Variants in ISLR2 observed in about 807,000 individuals in gnomAD.
The protein encoded by ISLR2 is immunoglobulin superfamily containing leucine rich repeat 2, also known as immunoglobulin superfamily containing leucine-rich repeat protein 2.
ISLR2 carries 16 observed loss-of-function variants against 25.5 expected under a neutral mutation model. The ratio of observed to expected loss-of-function variants is 0.63; its 90% CI spans 0.43 to 0.95. The LOEUF (loss-of-function observed/expected upper bound fraction) is 0.95, where lower values mean the gene tolerates loss of function less well. Among genes scored for constraint, ISLR2 ranks in the 40% least tolerant of loss-of-function variants. The pLI is 0.00. For synonymous variants in ISLR2, 508 were observed against 486.6 expected (o/e 1.04, Z -0.58); for missense variants, 883 against 1,030.7 (o/e 0.86, Z 1.96).
chr15:74,138,932 A>G (rs1379845472), downstream of ISLR2, among the ~76,000 whole-genome samples: 1 of 152,106 alleles, frequency 6.6e-6, no homozygotes, highest in Non-Finnish European at 1.5e-5. Flanking sequence ...TGGCTGGGCC[A>G]GTGAGTGCTC....
chr15:74,134,252 GTGCAGCTGACTCCGCTGGC>G lies in ISLR2; in HGVS notation c.1502_1520del (p.Gln501ArgfsTer40). 2 of 1,576,814 alleles carry G rather than the reference GTGCAGCTGACTCCGCTGGC, an allele frequency of 1.3e-6. No individual in the cohort carries two copies. The highest frequency in any genetic ancestry group is 1.7e-6 in the Non-Finnish European group (2 of 1,161,418). Reference sequence around the variant, plus strand: ...GGATGTGGCGGAGCGCGAGGCGCGGGTGCAGCTGACTCCGCTGGCTGCGCGCTGGGGCCCTGGGCCCGGC... The same window carrying G: ...GGATGTGGCGGAGCGCGAGGCGCGGGTGCGCGCTGGGGCCCTGGGCCCGGC... On this transcript the variant is annotated frameshift_variant, in exon 3 of 3. Coordinates refer to ENST00000453268, the MANE Select transcript of ISLR2 (RefSeq NM_020851.3). LOFTEE classifies it high-confidence loss of function.
rs754766833 is a variant in ISLR2 at position 74,134,941 on chromosome 15, G to A, written c.2187G>A (p.Ala729=). The A allele has an allele frequency of 1.2e-6, 2 of 1,613,974 alleles. No homozygotes were observed. The highest frequency in any genetic ancestry group is 1.1e-5 in the South Asian group (1 of 91,078). The part of the protein sequence containing the change: ...YSDRLPLGAE[A]VNIAQEINGN... ...ATCGGCTGCCCCTGGGCGCCGAGGCGGTCAACATCGCCCAGGAGATTAATG... is the reference window on the plus strand; with the variant it reads ...ATCGGCTGCCCCTGGGCGCCGAGGCAGTCAACATCGCCCAGGAGATTAATG... Residue 729 remains alanine, a synonymous_variant, in exon 3 of 3, where the codon GCG becomes GCA. Transcript: ENST00000453268.
intron 2 of ISLR2, among the ~76,000 whole-genome samples, chr15:74,111,746 T>C (rs1384764843): frequency 6.6e-6 from 1 of 152,184 alleles, no homozygotes; most frequent in Admixed American, 6.5e-5. Flanking sequence ...AATTTTTCCA[T>C]TTTATAATGT....
At position 74,133,256 on chromosome 15, in the gene ISLR2, G is replaced by C. The variant is rs368024378; in HGVS notation, c.502G>C (p.Asp168His). The C allele has an allele frequency of 1.6e-5, 26 of 1,611,624 alleles. No individual in the cohort carries two copies. The highest frequency in any genetic ancestry group is 2.0e-5 in the Non-Finnish European group (24 of 1,180,004). ...RLRTLAPGTF[D>H]ALSALSHLQL... Reference sequence around the variant, plus strand: ...GCGTACGCTGGCGCCTGGCACCTTCGACGCGCTTAGCGCGCTGTCACACTT... The same window carrying C: ...GCGTACGCTGGCGCCTGGCACCTTCCACGCGCTTAGCGCGCTGTCACACTT... Residue 168 changes from aspartate to histidine, a missense_variant, in exon 3 of 3, where the codon GAC becomes CAC. Coordinates refer to ENST00000453268, the MANE Select transcript of ISLR2 (RefSeq NM_020851.3).
At chr15:74,117,128 C>T (rs1477254311) in intron 2 of ISLR2, among the ~76,000 whole-genome samples, 4 of 152,136 alleles carry the variant, frequency 2.6e-5, no homozygotes, top group Non-Finnish European at 4.4e-5. Context: ...ATGAATGACC[C>T]TCAAACAGTC....
At position 74,133,103 on chromosome 15, in the gene ISLR2, A is replaced by G. The variant is rs2072465307; in HGVS notation, c.349A>G (p.Ser117Gly). The G allele has an allele frequency of 6.2e-7, 1 of 1,612,646 alleles. No individual in the cohort carries two copies. Among genetic ancestry groups the G allele is most frequent in the African/African-American group, 1.3e-5 (1 of 74,944 alleles). Residue 117 changes from serine to glycine, a missense_variant, in exon 3 of 3, where the codon AGC becomes GGC. Physicochemically the swap from Ser to Gly is moderately conservative, Grantham distance 56. Transcript: ENST00000453268. ...SHNFISSFPW[S>G]DLRNLSALQL... ...CAACTTCATATCCAGCTTTCCGTGG[A>G]GCGACCTGCGCAACCTGAGCGCGCT...
upstream of ISLR2, chr15:74,129,200 G>T (rs1282233448): frequency 2.6e-6 from 1 of 377,594 alleles, no homozygotes; most frequent in Non-Finnish European, 5.3e-6. This position sits in a 1 kb window ranked among gnomAD's most constrained non-coding sequence, Gnocchi z 4.5. Context: ...CGCCCGTAGC[G>T]ACGGCAGGAG....
At chr15:74,123,290 A>G (rs982755751), upstream of ISLR2, among the ~76,000 whole-genome samples, 1 of 151,980 alleles carries the variant, frequency 6.6e-6, no homozygotes, top group African/African-American at 2.4e-5. Flanking sequence ...GCCAAGGGCC[A>G]TGAGGAAGAG....
At position 74,110,185 on chromosome 15, in the gene ISLR2, T is replaced by A. The variant is rs566860060; in HGVS notation, n.228+6271T>A. Reference sequence around the variant, plus strand: ...CACGTAAGATATCACTACAGATCTATTAGAACAGCTCAAATCAAACATAGT... The same window carrying A: ...CACGTAAGATATCACTACAGATCTAATAGAACAGCTCAAATCAAACATAGT... On this transcript the variant is annotated intron_variant and non_coding_transcript_variant, in intron 2 of 3. Transcript: ENST00000561975. 6.0e-4 allele frequency among the ~76,000 whole-genome samples: 92 copies of A among 152,322 alleles called. 1 individual carries two copies. The highest frequency in any genetic ancestry group is 2.1e-3 in the African/African-American group (86 of 41,558).
intron 2 of ISLR2, among the ~76,000 whole-genome samples, chr15:74,108,039 G>T (rs987773928): frequency 6.6e-6 from 1 of 152,196 alleles, no homozygotes; most frequent in African/African-American, 2.4e-5. Flanking sequence ...AAAGCCAGAG[G>T]TTGGAGCTGG....
chr15:74,104,583 G>T (rs891026191), intron 2 of ISLR2, among the ~76,000 whole-genome samples: 2 of 152,134 alleles, frequency 1.3e-5, no homozygotes, highest in African/African-American at 4.8e-5. Context: ...AGGAGTTCAA[G>T]ACCAGCCTGG....
Position 74,103,386 on chromosome 15 carries a change from C to T in ISLR2, n.160-460C>T, listed in dbSNP as rs1055036794. Reference sequence around the variant, plus strand: ...TGGAGGCTGAAGTGGCTGGATCACTCGAGGCCAGGAGTTTGACACCAGCCT... The same window carrying T: ...TGGAGGCTGAAGTGGCTGGATCACTTGAGGCCAGGAGTTTGACACCAGCCT... On this transcript the variant is annotated intron_variant and non_coding_transcript_variant, in intron 1 of 3. Transcript: ENST00000561975. 6.0e-5 allele frequency among the ~76,000 whole-genome samples: 9 copies of T among 150,332 alleles called. 1 individual carries two copies. The highest frequency in any genetic ancestry group is 1.9e-4 in the East Asian group (1 of 5,150).
chr15:74,101,998 T>C (rs1417831831), intron 1 of ISLR2, among the ~76,000 whole-genome samples: 1 of 146,108 alleles, frequency 6.8e-6, no homozygotes, highest in Non-Finnish European at 1.5e-5. Context: ...GCAGATCACC[T>C]GAGGTCAGGA....
At chr15:74,140,998 T>A (rs909820225), downstream of ISLR2, among the ~76,000 whole-genome samples, 3 of 152,222 alleles carry the variant, frequency 2.0e-5, no homozygotes, top group Non-Finnish European at 4.4e-5. Flanking sequence ...ATGGATTTTT[T>A]AAAAAGCCAT....
At chr15:74,113,113 TC>T (rs1402576238) in intron 2 of ISLR2, among the ~76,000 whole-genome samples, 3 of 152,250 alleles carry the variant, frequency 2.0e-5, no homozygotes, top group African/African-American at 7.2e-5. Context: ...AAACCTAGAT[TC>T]CTCACATGTG....
In ISLR2 at chr15:74,135,819, C is replaced by G. The variant is rs1337105921; in HGVS notation, c.*827C>G. The stretch of plus-strand genomic sequence containing the variant: ...CGCCCGGCCCCTCCTCCCTTTCAAT[C>G]CCTACTCCCAGAAGCCGGGATTCGT... On this transcript the variant is annotated 3_prime_UTR_variant, in exon 3 of 3. Coordinates refer to ENST00000453268, the MANE Select transcript of ISLR2 (RefSeq NM_020851.3). The G allele has an allele frequency of 6.0e-6, 1 of 166,864 alleles. No homozygotes were observed. The allele number at this position is 166,864 out of a possible 1,614,324, so 10.3% of individuals were successfully genotyped here.
At chr15:74,124,470 G>A (rs924634448), upstream of ISLR2, among the ~76,000 whole-genome samples, 7 of 152,068 alleles carry the variant, frequency 4.6e-5, no homozygotes, top group African/African-American at 1.7e-4. Context: ...TTAACATTAC[G>A]TTTGTGGCTG....
upstream of ISLR2, among the ~76,000 whole-genome samples, chr15:74,125,409 T>C (rs116029350): frequency 0.021 from 3,224 of 152,084 alleles, 114 homozygotes; most frequent in African/African-American, 0.074. Flanking sequence ...GCCCAACTAA[T>C]TTAAAAAAAA....
chr15:74,121,582 C>G (rs374735866), intron 2 of ISLR2, among the ~76,000 whole-genome samples: 1 of 152,146 alleles, frequency 6.6e-6, no homozygotes, highest in East Asian at 1.9e-4. Context: ...TTGAGCCCCA[C>G]AGCACAGGAG....
Sources: allele counts gnomAD v4.1 joint callset (sites outside exome capture counted in the v4.1 genomes callset), GRCh38; gene constraint gnomAD v4.1.1; non-coding constraint Gnocchi (gnomAD v3.1); transcripts MANE v1.5; gene names NCBI Gene and HGNC (gene_info 2026-07-23, HGNC 2026-07-21).